The following GPC6 variants were observed in gnomAD, a reference collection of about 807,000 sequenced individuals.
GPC6 encodes the protein glypican 6.
In GPC6, 14 loss-of-function variants were observed where a neutral mutation model predicts 55.2. The ratio of observed to expected loss-of-function variants is 0.25; its 90% CI spans 0.17 to 0.40. GPC6 has a LOEUF of 0.40. Ranked by LOEUF, GPC6 falls within the 10% of genes least tolerant of loss-of-function variation. GPC6 has a pLI of 1.00. For missense variants in GPC6, 641 were observed against 708.5 expected (o/e 0.90, Z 1.08); for synonymous variants, 278 against 259.6 (o/e 1.07, Z -0.68).
chr13:93,479,190 G>C (rs761841353), intron 1 of GPC6, among the ~76,000 whole-genome samples: 1 of 152,092 alleles, frequency 6.6e-6, no homozygotes, highest in African/African-American at 2.4e-5. Context: ...CAAAAAATGT[G>C]AATTTAGCAT....
At chr13:93,289,441 G>C (rs986904020) in intron 1 of GPC6, among the ~76,000 whole-genome samples, 1 of 152,150 alleles carries the variant, frequency 6.6e-6, no homozygotes, top group African/African-American at 2.4e-5. Flanking sequence ...CAATCAAAAA[G>C]TGAAACAAAA....
chr13:93,497,190 T>A (rs942370053), intron 1 of GPC6, among the ~76,000 whole-genome samples: 2 of 152,248 alleles, frequency 1.3e-5, no homozygotes, highest in African/African-American at 4.8e-5. Context: ...GCATAATGTT[T>A]TACTTTCACA....
At chr13:93,826,995 A>T (rs1203562056) in intron 2 of GPC6, among the ~76,000 whole-genome samples, 1 of 152,208 alleles carries the variant, frequency 6.6e-6, no homozygotes, top group Non-Finnish European at 1.5e-5. Flanking sequence ...CCCAGAGGCT[A>T]ATGCTGGCTA....
intron 2 of GPC6, among the ~76,000 whole-genome samples, chr13:93,757,228 G>A (rs1406823243): frequency 2.6e-5 from 4 of 152,296 alleles, no homozygotes; most frequent in Non-Finnish European, 2.9e-5. Context: ...GTGATTGTCT[G>A]AAACCTGGTT....
chr13:94,045,623 G>A (rs1387282785), intron 4 of GPC6, among the ~76,000 whole-genome samples: 1 of 151,720 alleles, frequency 6.6e-6, no homozygotes, highest in African/African-American at 2.4e-5. Context: ...TTTAAAACAG[G>A]TAAGGAACTG....
chr13:93,750,899 C>T (rs1045044424), intron 2 of GPC6, among the ~76,000 whole-genome samples: 1 of 152,282 alleles, frequency 6.6e-6, no homozygotes, highest in East Asian at 1.9e-4. Flanking sequence ...TGGTTCACAG[C>T]ATATGCCACA....
chr13:94,036,524 T>A (rs897978413), intron 4 of GPC6, among the ~76,000 whole-genome samples: 2 of 151,980 alleles, frequency 1.3e-5, no homozygotes, highest in African/African-American at 4.8e-5. Flanking sequence ...ACAGCGATAA[T>A]TAGATGCCAA....
At chr13:94,041,968 C>G (rs1161682481) in intron 4 of GPC6, among the ~76,000 whole-genome samples, 1 of 151,708 alleles carries the variant, frequency 6.6e-6, no homozygotes, top group Non-Finnish European at 1.5e-5. Context: ...ATTTGTGTCC[C>G]CACCCAAATC....
rs1489864375 is a variant in GPC6 at position 93,330,691 on chromosome 13, T to C, written c.160+103075T>C. ...CAGCTCCTTTCTTCCCAACAGTGGC[T>C]GATCTCGATTCTATTGCCTTCCACT... On this transcript the variant is annotated intron_variant, in intron 1 of 8. Transcript: ENST00000377047. Among the ~76,000 whole-genome samples, 3 of 152,214 alleles carry C rather than the reference T, an allele frequency of 2.0e-5. No individual in the cohort carries two copies. The East Asian group carries it at 5.8e-4, about 29-fold the overall frequency.
At chr13:93,300,580 G>A (rs1442808624) in intron 1 of GPC6, among the ~76,000 whole-genome samples, 9 of 146,316 alleles carry the variant, frequency 6.2e-5, no homozygotes, top group Admixed American at 1.4e-4. Context: ...CCCGGGAGGC[G>A]GAGCTTGCAG....
At chr13:93,839,247 C>T (rs1214521433) in intron 3 of GPC6, among the ~76,000 whole-genome samples, 1 of 152,060 alleles carries the variant, frequency 6.6e-6, no homozygotes, top group Non-Finnish European at 1.5e-5. Context: ...GTGTGCAAAG[C>T]TTGGTTCGTG....
intron 2 of GPC6, among the ~76,000 whole-genome samples, chr13:93,736,885 A>G (rs940819185): frequency 1.3e-4 from 20 of 152,344 alleles, no homozygotes; most frequent in African/African-American, 4.6e-4. Flanking sequence ...TGAGTCCAAT[A>G]GCATGAGAAA....
chr13:94,102,552 G>T (rs1249437661), intron 4 of GPC6, among the ~76,000 whole-genome samples: 2 of 149,036 alleles, frequency 1.3e-5, no homozygotes, highest in African/African-American at 5.0e-5. Context: ...ACTAAGCCTT[G>T]TTAATAAGCC....
At chr13:93,583,910 AAG>A (rs914488491) in intron 2 of GPC6, among the ~76,000 whole-genome samples, 5 of 152,184 alleles carry the variant, frequency 3.3e-5, no homozygotes, top group African/African-American at 9.7e-5. Flanking sequence ...AACCACTGGA[AAG>A]AGAGAAAAGA....
At chr13:93,778,563 G>T (rs1885539121) in intron 2 of GPC6, among the ~76,000 whole-genome samples, 1 of 152,156 alleles carries the variant, frequency 6.6e-6, no homozygotes, top group Non-Finnish European at 1.5e-5. Context: ...TGACATCAAT[G>T]CACTTGCTTA....
intron 4 of GPC6, among the ~76,000 whole-genome samples, chr13:94,095,591 A>G (rs1885629249): frequency 6.6e-6 from 1 of 152,150 alleles, no homozygotes; most frequent in Admixed American, 6.5e-5. Flanking sequence ...GACCAGCCAC[A>G]TTTCAAGTGA....
intron 4 of GPC6, among the ~76,000 whole-genome samples, chr13:94,253,160 T>A (rs1225818564): frequency 1.3e-5 from 2 of 152,082 alleles, no homozygotes; most frequent in Non-Finnish European, 2.9e-5. Flanking sequence ...ACAGTGTATG[T>A]TCAACATATA....
rs117197698 is a variant in GPC6 at position 93,316,559 on chromosome 13, T to A, written c.160+88943T>A. 1.5e-3 allele frequency among the ~76,000 whole-genome samples: 223 copies of A among 152,244 alleles called. 6 individuals carry two copies. The East Asian group carries it at 0.027, about 18-fold the overall frequency. ...AGGGAAAAAATGATGAGAGTGTTTA[T>A]ACTCTAAACTGCTATCATCATTGGA... On this transcript the variant is annotated intron_variant, in intron 1 of 8. Transcript: ENST00000377047.
At chr13:94,294,278 A>G (rs2056822269) in intron 5 of GPC6, among the ~76,000 whole-genome samples, 1 of 152,182 alleles carries the variant, frequency 6.6e-6, no homozygotes, top group Non-Finnish European at 1.5e-5. Flanking sequence ...GAGATAATCT[A>G]AATTAAGAAG....
Sources: gnomAD v4.1 joint callset for allele counts (sites outside exome capture counted in the v4.1 genomes callset) on GRCh38, gnomAD v4.1.1 for gene constraint, MANE v1.5 for transcripts, NCBI Gene and HGNC (gene_info 2026-07-23, HGNC 2026-07-21) for gene names.